CTNNA2: variants seen among roughly 807,000 people sequenced by gnomAD.
The protein encoded by CTNNA2 is catenin alpha 2.
Under a neutral mutation model 101.0 loss-of-function variants are expected in CTNNA2, and 42 were observed. The observed-to-expected ratio is 0.42, with a 90% CI of 0.32 to 0.54. The LOEUF is 0.54. Ranked by LOEUF, CTNNA2 falls within the 20% of genes least tolerant of loss-of-function variation. The pLI is 0.14. For missense variants in CTNNA2, 871 were observed against 1,223.1 expected (o/e 0.71, Z 4.29); for synonymous variants, 450 against 456.4 (o/e 0.99, Z 0.18).
At chr2:79,434,335 A>C (rs1021812152) in intron 4 of CTNNA2, among the ~76,000 whole-genome samples, 3 of 152,012 alleles carry the variant, frequency 2.0e-5, no homozygotes, top group African/African-American at 7.2e-5. Flanking sequence ...AAGAAGAAAA[A>C]TAAGAGAGGC....
chr2:80,501,997 C>G (rs564011311), intron 9 of CTNNA2, among the ~76,000 whole-genome samples: 10 of 152,256 alleles, frequency 6.6e-5, no homozygotes, highest in Non-Finnish European at 1.2e-4. Flanking sequence ...ATAACACACT[C>G]TATTCTGGGG....
chr2:80,203,260 C>T (rs2149020907), intron 7 of CTNNA2, among the ~76,000 whole-genome samples: 1 of 152,270 alleles, frequency 6.6e-6, no homozygotes, highest in African/African-American at 2.4e-5. Flanking sequence ...TCCCAACAGC[C>T]CTCCAAAGTC....
intron 3 of CTNNA2, among the ~76,000 whole-genome samples, chr2:79,348,213 A>G (rs1677307166): frequency 6.6e-6 from 1 of 152,152 alleles, no homozygotes; most frequent in Non-Finnish European, 1.5e-5. Context: ...AAAGGACTAT[A>G]TTGTTCTATT....
At chr2:80,003,630 A>G (rs959185508) in intron 7 of CTNNA2, among the ~76,000 whole-genome samples, 5 of 152,128 alleles carry the variant, frequency 3.3e-5, no homozygotes, top group East Asian at 3.9e-4. Context: ...TTAGAATTCC[A>G]TATGTTAATT....
chr2:80,270,361 G>A (rs946599840), intron 7 of CTNNA2, among the ~76,000 whole-genome samples: 2 of 152,158 alleles, frequency 1.3e-5, no homozygotes, highest in Admixed American at 1.3e-4. Flanking sequence ...ACAAGCCTTA[G>A]AGGTTTCTTG....
chr2:79,899,594 ATC>A lies in CTNNA2; in HGVS notation c.853-9998_853-9997del, dbSNP rs530463481. Reference sequence around the variant, plus strand: ...ATTTCTCTTAAAAAACACATTAAGTATCTAAGGATAGAAAGTGCTGTTTAATT... The same window carrying A: ...ATTTCTCTTAAAAAACACATTAAGTATAAGGATAGAAAGTGCTGTTTAATT... On this transcript the variant is annotated intron_variant, in intron 6 of 18. Transcript: ENST00000402739. Among the ~76,000 whole-genome samples the A allele has an allele frequency of 3.9e-3, 596 of 152,364 alleles. 3 individuals carry two copies. Among genetic ancestry groups the A allele is most frequent in the Admixed American group, 7.3e-3 (112 of 15,304 alleles).
At chr2:80,189,251 G>A (rs1439697496) in intron 7 of CTNNA2, among the ~76,000 whole-genome samples, 3 of 152,142 alleles carry the variant, frequency 2.0e-5, no homozygotes, top group African/African-American at 4.8e-5. Context: ...ACTGCACCTG[G>A]CCTGGTGGTG....
intron 6 of CTNNA2, among the ~76,000 whole-genome samples, chr2:79,886,294 G>A (rs1287506339): frequency 6.6e-6 from 1 of 152,176 alleles, no homozygotes; most frequent in Non-Finnish European, 1.5e-5. Flanking sequence ...GCATGCAGTT[G>A]TATGGTGGGT....
intron 9 of CTNNA2, among the ~76,000 whole-genome samples, chr2:80,508,971 T>C (rs1199812440): frequency 6.6e-6 from 1 of 152,196 alleles, no homozygotes; most frequent in Non-Finnish European, 1.5e-5. Flanking sequence ...TCTTTGTTAT[T>C]TTTTCCATAT....
intron 7 of CTNNA2, among the ~76,000 whole-genome samples, chr2:80,116,901 T>TTGTGTG (rs1207841841): frequency 5.2e-5 from 4 of 76,462 alleles, no homozygotes; most frequent in African/African-American, 2.6e-4. Context: ...TAGAAGAAAA[T>TTGTGTG]AGTGTGTGTG....
At chr2:80,217,220 G>T (rs1708323650) in intron 7 of CTNNA2, among the ~76,000 whole-genome samples, 1 of 152,110 alleles carries the variant, frequency 6.6e-6, no homozygotes, top group Non-Finnish European at 1.5e-5. Context: ...TACAGGGTTG[G>T]TTGGCATATA....
chr2:79,785,706 A>G (rs1674787036), intron 3 of CTNNA2, among the ~76,000 whole-genome samples: 1 of 152,164 alleles, frequency 6.6e-6, no homozygotes, highest in Non-Finnish European at 1.5e-5. Flanking sequence ...TTCAGTGCCT[A>G]GAGAAGTGCC....
At chr2:80,079,879 AAAT>A (rs773433016) in intron 7 of CTNNA2, among the ~76,000 whole-genome samples, 1,576 of 114,186 alleles carry the variant, frequency 0.014, 19 homozygotes, top group Non-Finnish European at 0.022. Flanking sequence ...AAATAAAATA[AAAT>A]AATAAAATAA....
At chr2:79,490,494 T>C (rs1205989153) in intron 4 of CTNNA2, among the ~76,000 whole-genome samples, 1 of 152,166 alleles carries the variant, frequency 6.6e-6, no homozygotes, top group African/African-American at 2.4e-5. Flanking sequence ...ATATGCTATA[T>C]ATGTAGTATT....
chr2:80,255,144 G>A (rs1209320217), intron 7 of CTNNA2, among the ~76,000 whole-genome samples: 14 of 152,114 alleles, frequency 9.2e-5, no homozygotes, highest in Non-Finnish European at 1.9e-4. Context: ...ACTGATCTGT[G>A]TTTGAGCAAA....
At chr2:80,542,365 A>C (rs1234715446) in intron 9 of CTNNA2, among the ~76,000 whole-genome samples, 1 of 151,894 alleles carries the variant, frequency 6.6e-6, no homozygotes, top group Non-Finnish European at 1.5e-5. Context: ...ATGTACTTTT[A>C]TTTTACATGT....
In CTNNA2 at chr2:80,537,932, T is replaced by C. The variant is rs192260284; in HGVS notation, c.1291-7050T>C. Among the ~76,000 whole-genome samples, 350 of 152,304 alleles carry C rather than the reference T, an allele frequency of 2.3e-3. 2 individuals carry two copies. The highest frequency in any genetic ancestry group is 6.8e-3 in the African/African-American group (284 of 41,562). On this transcript the variant is annotated intron_variant, in intron 9 of 18. Coordinates refer to ENST00000402739, the MANE Select transcript of CTNNA2 (RefSeq NM_001282597.3). Reference sequence around the variant, plus strand: ...TTAATGATCGCCATTCTAACTGGCATAAGATGATATCTCACTGTGGTTTTA... The same window carrying C: ...TTAATGATCGCCATTCTAACTGGCACAAGATGATATCTCACTGTGGTTTTA...
At chr2:79,962,669 G>C (rs539396658) in intron 7 of CTNNA2, among the ~76,000 whole-genome samples, 1 of 152,298 alleles carries the variant, frequency 6.6e-6, no homozygotes, top group East Asian at 1.9e-4. Flanking sequence ...GAGGTGCTAA[G>C]TTCCGACTGG....
intron 2 of CTNNA2, among the ~76,000 whole-genome samples, chr2:79,655,903 G>A (rs1681582144): frequency 6.6e-6 from 1 of 151,838 alleles, no homozygotes; most frequent in African/African-American, 2.4e-5. Context: ...GCAGACAAAA[G>A]CAATGCATTA....
Sources: allele counts gnomAD v4.1 joint callset (sites outside exome capture counted in the v4.1 genomes callset), GRCh38; gene constraint gnomAD v4.1.1; transcripts MANE v1.5; gene names NCBI Gene and HGNC (gene_info 2026-07-23, HGNC 2026-07-21).